The following DAD1 variants were observed in gnomAD, a reference collection of about 807,000 sequenced individuals.
The protein encoded by DAD1 is dolichyl-diphosphooligosaccharide--protein glycosyltransferase subunit DAD1.
In DAD1, 4 loss-of-function variants were observed where a neutral mutation model predicts 9.0. The ratio of observed to expected loss-of-function variants is 0.44; its 90% CI spans 0.22 to 1.01. The LOEUF (loss-of-function observed/expected upper bound fraction) is 1.01, where lower values mean the gene tolerates loss of function less well. DAD1 is among the 50% of genes least tolerant of loss of function. DAD1 has a pLI of 0.24. For missense variants in DAD1, 119 were observed against 137.3 expected (o/e 0.87, Z 0.67); for synonymous variants, 60 against 62.5 (o/e 0.96, Z 0.19).
intron 1 of DAD1, among the ~76,000 whole-genome samples, chr14:22,575,643 G>A (rs745724170): frequency 3.9e-5 from 6 of 152,200 alleles, no homozygotes; most frequent in Non-Finnish European, 7.3e-5. Context: ...CACCTGCTGG[G>A]TTCAAGCAAT....
At chr14:22,571,025 T>TAA (rs34659715) in intron 2 of DAD1, among the ~76,000 whole-genome samples, 7,158 of 149,204 alleles carry the variant, frequency 0.048, 210 homozygotes, top group African/African-American at 0.07. Flanking sequence ...TTTTTTTTTT[T>TAA]AAAAAAGAGT....
intron 1 of DAD1, among the ~76,000 whole-genome samples, chr14:22,585,932 T>C (rs536092827): frequency 9.9e-5 from 15 of 152,044 alleles, no homozygotes; most frequent in East Asian, 1.9e-4. Context: ...CAGTGCCGGG[T>C]GTGGTGGCTC....
chr14:22,585,078 A>G (rs550133011), intron 1 of DAD1, among the ~76,000 whole-genome samples: 1 of 152,374 alleles, frequency 6.6e-6, no homozygotes, highest in Admixed American at 6.5e-5. Context: ...CACAGATCTG[A>G]TGGATAATTC....
chr14:22,579,316 G>A (rs77963524), intron 1 of DAD1, among the ~76,000 whole-genome samples: 3,522 of 151,698 alleles, frequency 0.023, 146 homozygotes, highest in African/African-American at 0.081. Context: ...ACCTAAACTC[G>A]CTTCAGGCTA....
chr14:22,572,007 G>A (rs2037044649), intron 2 of DAD1, among the ~76,000 whole-genome samples: 1 of 152,078 alleles, frequency 6.6e-6, no homozygotes, highest in Non-Finnish European at 1.5e-5. Context: ...AAATTATTCT[G>A]AAAATAAAAT....
chr14:22,574,963 G>T, intron 2 of DAD1, 96 bp downstream of exon 2: 1 of 1,038,470 alleles, frequency 9.6e-7, no homozygotes. Context: ...GTCAATAGCA[G>T]TATGGGAGCC....
intron 2 of DAD1, among the ~76,000 whole-genome samples, chr14:22,572,594 T>A (rs1044547570): frequency 6.6e-6 from 1 of 152,188 alleles, no homozygotes; most frequent in Non-Finnish European, 1.5e-5. Context: ...GTTAATATGG[T>A]CTGCAGTACA....
At position 22,575,062 on chromosome 14, in the gene DAD1, C is replaced by A. The variant is rs762586476; in HGVS notation, c.*41G>T. The A allele has an allele frequency of 6.2e-7, 1 of 1,606,298 alleles. No individual in the cohort carries two copies. The highest frequency in any genetic ancestry group is 8.5e-7 in the Non-Finnish European group (1 of 1,174,644). ...AAGGACTATGATCATCACTTACATT[C>A]TTTTAGTCTCCTACTCCTCAATTAA... On this transcript the variant is annotated 3_prime_UTR_variant, in exon 2 of 3. Transcript: ENST00000250498.
At chr14:22,585,929 G>A (rs1449040397) in intron 1 of DAD1, among the ~76,000 whole-genome samples, 1 of 152,166 alleles carries the variant, frequency 6.6e-6, no homozygotes, top group African/African-American at 2.4e-5. Flanking sequence ...CCTCAGTGCC[G>A]GGTGTGGTGG....
rs192317845 is a variant in DAD1, at chr14:22,575,544, A to T, written c.212-311T>A. 1.8e-3 allele frequency among the ~76,000 whole-genome samples: 269 copies of T among 152,330 alleles called. 1 individual carries two copies. In the Middle Eastern group the frequency reaches 0.02, roughly 12 times the overall value. On this transcript the variant is annotated intron_variant, in intron 1 of 2. Coordinates refer to ENST00000250498, the MANE Select transcript of DAD1 (RefSeq NM_001344.4). The stretch of plus-strand genomic sequence containing the variant: ...AAGTAAGTTGGGCAACACAATCAAA[A>T]ACTTTATTTTTTGGGGAGTCGGGGA...
chr14:22,571,625 C>CTTT (rs869205395), intron 2 of DAD1, among the ~76,000 whole-genome samples: 244 of 109,690 alleles, frequency 2.2e-3, no homozygotes, highest in Middle Eastern at 5.6e-3. Flanking sequence ...GCAAGGGGCT[C>CTTT]TTTTTTTTTT....
chr14:22,571,577 T>C (rs182544250), intron 2 of DAD1, among the ~76,000 whole-genome samples: 21 of 151,518 alleles, frequency 1.4e-4, no homozygotes, highest in Admixed American at 3.3e-4. Flanking sequence ...GAGTCTTTCT[T>C]GATCACCTGG....
chr14:22,573,533 A>C (rs1185284216), intron 2 of DAD1, among the ~76,000 whole-genome samples: 1 of 151,636 alleles, frequency 6.6e-6, no homozygotes, highest in Non-Finnish European at 1.5e-5. Context: ...ACACGGTGAA[A>C]CTCCGTCTCT....
At chr14:22,586,583 T>C (rs2037154614) in intron 1 of DAD1, among the ~76,000 whole-genome samples, 2 of 152,106 alleles carry the variant, frequency 1.3e-5, no homozygotes, top group Admixed American at 1.3e-4. Context: ...TTCAAACATC[T>C]AGCACCCAGC....
chr14:22,580,305 A>C (rs1275904503), intron 1 of DAD1, among the ~76,000 whole-genome samples: 1 of 151,988 alleles, frequency 6.6e-6, no homozygotes, highest in African/African-American at 2.4e-5. Flanking sequence ...CTATGGCCCC[A>C]GCTACTCGGG....
At chr14:22,582,064 G>C (rs978999929) in intron 1 of DAD1, among the ~76,000 whole-genome samples, 2 of 151,640 alleles carry the variant, frequency 1.3e-5, no homozygotes, top group African/African-American at 4.9e-5. Flanking sequence ...AAAATTAGCC[G>C]GGTGCAGTGG....
intron 2 of DAD1, among the ~76,000 whole-genome samples, chr14:22,573,633 T>TC (rs2037057296): frequency 7.1e-6 from 1 of 140,464 alleles, no homozygotes; most frequent in Admixed American, 7.8e-5. Flanking sequence ...TGGCATGAAC[T>TC]CGGGAGGCGG....
Position 22,565,141 on chromosome 14 carries a change from G to C in DAD1, c.*45-4C>G, listed in dbSNP as rs1260998825. 1 of 701,852 alleles carries C rather than the reference G, an allele frequency of 1.4e-6. No individual in the cohort carries two copies. Among genetic ancestry groups the C allele is most frequent in the African/African-American group, 1.7e-5 (1 of 57,164 alleles). 43.5% of individuals were successfully genotyped at this position (701,852 alleles called of 1,614,324 possible). A position where few individuals can be genotyped will look rare whatever the true frequency, so the allele number is the denominator to read the frequency against. On this transcript the variant is annotated splice_region_variant and splice_polypyrimidine_tract_variant and intron_variant, in intron 2 of 2. Transcript: ENST00000250498. ...CCAGGAAATTCAAAGAGTGAACCTA[G>C]AAGAAAAAAGCAGCAAGGTTAAATG...
intron 1 of DAD1, among the ~76,000 whole-genome samples, chr14:22,584,789 A>G (rs2037141430): frequency 6.6e-6 from 1 of 152,234 alleles, no homozygotes; most frequent in African/African-American, 2.4e-5. Flanking sequence ...AAAAGTTTTA[A>G]TTTTACTTTG....
Sources: gnomAD v4.1 joint callset for allele counts (sites outside exome capture counted in the v4.1 genomes callset) on GRCh38, gnomAD v4.1.1 for gene constraint, MANE v1.5 for transcripts, NCBI Gene and HGNC (gene_info 2026-07-23, HGNC 2026-07-21) for gene names.